ARAP2: variants seen among roughly 807,000 people sequenced by gnomAD.
ARAP2 encodes the protein arf-GAP with Rho-GAP domain, ANK repeat and PH domain-containing protein 2.
ARAP2 carries 148 observed loss-of-function variants against 194.5 expected under a neutral mutation model. The ratio of observed to expected loss-of-function variants is 0.76; its 90% CI spans 0.67 to 0.87. The LOEUF is 0.87. ARAP2 is among the 40% of genes least tolerant of loss of function. The pLI, the probability that ARAP2 is intolerant of heterozygous loss-of-function variation, is 0.00. For synonymous variants in ARAP2, 695 were observed against 683.5 expected (o/e 1.02, Z -0.26); for missense variants, 2,128 against 1,989.7 (o/e 1.07, Z -1.32).
intron 21 of ARAP2, among the ~76,000 whole-genome samples, chr4:36,127,022 G>A (rs143186962): frequency 6.6e-6 from 1 of 152,068 alleles, no homozygotes; most frequent in East Asian, 1.9e-4. Flanking sequence ...TTTTTGTGGA[G>A]ACAAGGTCTC....
At chr4:36,096,091 C>T (rs752296383) in intron 27 of ARAP2, among the ~76,000 whole-genome samples, 14 of 151,980 alleles carry the variant, frequency 9.2e-5, no homozygotes, top group African/African-American at 2.4e-4. Context: ...TTTCCAGGCA[C>T]GGTGGCTCAT....
At chr4:36,231,038 C>A (rs1293411801) in intron 1 of ARAP2, among the ~76,000 whole-genome samples, 19 of 152,160 alleles carry the variant, frequency 1.2e-4, no homozygotes, top group Admixed American at 1.2e-3. Flanking sequence ...ATGTCACACA[C>A]AAAGAAGTTA....
In ARAP2 at chr4:36,014,825, T is replaced by G. The variant is rs182291208; in HGVS notation, n.1056+561A>C. 3.9e-5 allele frequency among the ~76,000 whole-genome samples: 6 copies of G among 152,194 alleles called. No individual in the cohort carries two copies. The East Asian group carries it at 7.7e-4, about 20-fold the overall frequency. On this transcript the variant is annotated intron_variant and non_coding_transcript_variant, in intron 8 of 12. Transcript: ENST00000503225. ...TGTGCATGGGGCCCCATGATGGAAT[T>G]AGTATCTTTGTAAGAAGAGGAAGAG...
At chr4:36,186,255 C>T (rs1486544369) in intron 8 of ARAP2, among the ~76,000 whole-genome samples, 15 of 152,108 alleles carry the variant, frequency 9.9e-5, no homozygotes, top group Non-Finnish European at 2.2e-4. Context: ...ATAGTAATGA[C>T]ATATTATGAT....
At position 36,228,823 on chromosome 4, in the gene ARAP2, A is replaced by T; in HGVS notation, c.664T>A (p.Cys222Ser). The T allele has an allele frequency of 6.2e-7, 1 of 1,614,192 alleles. No homozygotes were observed. Among genetic ancestry groups the T allele is most frequent in the African/African-American group, 1.3e-5 (1 of 75,060 alleles). Residue 222 changes from cysteine to serine, a missense_variant, in exon 2 of 33, where the codon TGT (cysteine) becomes AGT (serine). Transcript: ENST00000303965. ...ADSECLSFVG[C>S]STSGTNSGNG... is the part of the protein sequence containing the mutation. ...CCAGAATTTGTTCCTGATGTTGAACAGCCAACAAAAGAAAGGCATTCAGAG... is the reference window on the plus strand; with the variant it reads ...CCAGAATTTGTTCCTGATGTTGAACTGCCAACAAAAGAAAGGCATTCAGAG...
rs369366669 is a variant in ARAP2, at chr4:36,185,947, A to C, written c.1678+1504T>G. On this transcript the variant is annotated intron_variant, in intron 8 of 32. Transcript: ENST00000303965. ...GAGCCGAGATTGCGCCATTGCACTC[A>C]AGCTTGGGCAACAAGAGTGAAACTC... 3.4e-3 allele frequency among the ~76,000 whole-genome samples: 518 copies of C among 151,784 alleles called. 1 individual carries two copies. Among genetic ancestry groups the C allele is most frequent in the African/African-American group, 9.1e-3 (375 of 41,238 alleles).
chr4:36,117,808 G>A (rs1721731154), intron 24 of ARAP2, among the ~76,000 whole-genome samples: 1 of 151,560 alleles, frequency 6.6e-6, no homozygotes, highest in Non-Finnish European at 1.5e-5. Flanking sequence ...CCAAAAGACA[G>A]ACAAAGTGAA....
At chr4:36,104,575 G>A (rs893589771) in intron 27 of ARAP2, among the ~76,000 whole-genome samples, 1 of 151,894 alleles carries the variant, frequency 6.6e-6, no homozygotes, top group African/African-American at 2.4e-5. Flanking sequence ...TAAAGTTGAG[G>A]CTGCTCTAAG....
intron 27 of ARAP2, among the ~76,000 whole-genome samples, chr4:36,096,310 A>G (rs1715216638): frequency 6.9e-6 from 1 of 144,464 alleles, no homozygotes; most frequent in Admixed American, 7.3e-5. Context: ...GGTTGAAGTG[A>G]GTCTAGATTG....
intron 9 of ARAP2, among the ~76,000 whole-genome samples, chr4:36,167,656 A>C (rs1390621588): frequency 6.6e-6 from 1 of 152,164 alleles, no homozygotes; most frequent in Non-Finnish European, 1.5e-5. Flanking sequence ...CTCATTTCCA[A>C]TATTTTATTG....
chr4:36,148,296 T>G (rs558156859), intron 17 of ARAP2, 109 bp downstream of exon 17: 5 of 747,850 alleles, frequency 6.7e-6, no homozygotes, highest in Non-Finnish European at 1.1e-5. Context: ...AGTATGAACT[T>G]TATTCCTACA....
Position 36,007,396 on chromosome 4 carries a change from G to A in ARAP2, n.1326-350C>T, listed in dbSNP as rs186899039. 1.5e-3 allele frequency among the ~76,000 whole-genome samples: 232 copies of A among 152,246 alleles called. 4 individuals are homozygous for A. The highest frequency in any genetic ancestry group is 0.011 in the South Asian group (52 of 4,826). ...TGAGAAAAACAAATGAAACAGAGAC[G>A]ACAGAGAGAGAAGGAAGAAGAAAGT... On this transcript the variant is annotated intron_variant and non_coding_transcript_variant, in intron 9 of 12. Transcript: ENST00000503225.
chr4:36,021,412 G>A (rs34059522), intron 5 of ARAP2, among the ~76,000 whole-genome samples: 11,595 of 152,246 alleles, frequency 0.076, 579 homozygotes, highest in Middle Eastern at 0.18. Context: ...AATCACGGGA[G>A]CAGATTTCTC....
chr4:36,182,068 G>A (rs1739402356), intron 8 of ARAP2, among the ~76,000 whole-genome samples: 1 of 152,170 alleles, frequency 6.6e-6, no homozygotes, highest in Middle Eastern at 3.2e-3. Context: ...TATATTCAAG[G>A]AACAAAAGGC....
At chr4:36,131,365 A>T (rs1725405609) in intron 20 of ARAP2, among the ~76,000 whole-genome samples, 1 of 150,184 alleles carries the variant, frequency 6.7e-6, no homozygotes, top group Non-Finnish European at 1.5e-5. Flanking sequence ...TAAAAATATG[A>T]CACATATTTA....
intron 31 of ARAP2, among the ~76,000 whole-genome samples, chr4:36,077,352 T>C (rs562479138): frequency 1.3e-4 from 19 of 151,750 alleles, no homozygotes; most frequent in African/African-American, 4.6e-4. Context: ...AAACTGCGCA[T>C]TCTGCACTAG....
intron 10 of ARAP2, chr4:36,005,776 T>A (rs915497390): frequency 6.6e-6 from 1 of 152,120 alleles, no homozygotes; most frequent in African/African-American, 2.4e-5. Flanking sequence ...ATTTCTAATA[T>A]TAGTATCAGA....
At chr4:36,238,456 G>C (rs1752850756) in intron 1 of ARAP2, among the ~76,000 whole-genome samples, 1 of 152,166 alleles carries the variant, frequency 6.6e-6, no homozygotes, top group South Asian at 2.1e-4. Context: ...TCCACAACCT[G>C]TGCTATAAAC....
rs193075236 is a variant in ARAP2 at position 36,233,122 on chromosome 4, T to C, written c.-159-3477A>G. 1.2e-4 allele frequency among the ~76,000 whole-genome samples: 18 copies of C among 152,300 alleles called. No homozygotes were observed. The East Asian group carries it at 3.5e-3, about 29-fold the overall frequency. The stretch of plus-strand genomic sequence containing the variant: ...TAATGTCAACTCTGTCCTCCAATTG[T>C]CTGACATTTTAACTGTCTGAACACC... On this transcript the variant is annotated intron_variant, in intron 1 of 32. Transcript: ENST00000303965.
Sources: gnomAD v4.1 joint callset for allele counts (sites outside exome capture counted in the v4.1 genomes callset) on GRCh38, gnomAD v4.1.1 for gene constraint, MANE v1.5 for transcripts, NCBI Gene and HGNC (gene_info 2026-07-23, HGNC 2026-07-21) for gene names.